LGSN: variants seen among roughly 807,000 people sequenced by gnomAD.
The protein encoded by LGSN is lengsin.
In LGSN, 21 loss-of-function variants were observed where a neutral mutation model predicts 19.5. The observed-to-expected ratio is 1.07, with a 90% CI of 0.76 to 1.55. The LOEUF is 1.55. Ranked by LOEUF, LGSN falls within the 40% of genes most tolerant of loss-of-function variation. LGSN has a pLI of 0.00. For synonymous variants in LGSN, 257 were observed against 215.6 expected (o/e 1.19, Z -1.68); for missense variants, 673 against 608.5 (o/e 1.11, Z -1.12).
the LGSN span, among the ~76,000 whole-genome samples, chr6:63,382,834 C>T: frequency 6.6e-6 from 1 of 152,126 alleles, no homozygotes; most frequent in African/African-American, 2.4e-5. Context: ...AACTGTACAA[C>T]ATATACATAT....
the LGSN span, among the ~76,000 whole-genome samples, chr6:63,454,980 A>G: frequency 4.0e-5 from 6 of 151,094 alleles, no homozygotes; most frequent in African/African-American, 1.5e-4. Flanking sequence ...TTTGGTAGAG[A>G]CAGGGTTTCA....
chr6:63,420,200 C>T, the LGSN span, among the ~76,000 whole-genome samples: 1 of 147,478 alleles, frequency 6.8e-6, no homozygotes, highest in Non-Finnish European at 1.5e-5. Context: ...GAGACTGCGT[C>T]TCAAAAAAAA....
At chr6:63,375,294 T>C in the LGSN span, among the ~76,000 whole-genome samples, 1 of 152,048 alleles carries the variant, frequency 6.6e-6, no homozygotes, top group African/African-American at 2.4e-5. Flanking sequence ...TCATAATCAA[T>C]TTGACTTTCT....
At chr6:63,549,844 T>A in the LGSN span, among the ~76,000 whole-genome samples, 1 of 152,160 alleles carries the variant, frequency 6.6e-6, no homozygotes, top group Non-Finnish European at 1.5e-5. Context: ...GAGAGATTTG[T>A]TAAAGAATAC....
At chr6:63,309,380 C>T (rs748720331) in intron 1 of LGSN, among the ~76,000 whole-genome samples, 1 of 151,966 alleles carries the variant, frequency 6.6e-6, no homozygotes, top group Admixed American at 6.6e-5. Context: ...TGCAGTGAGC[C>T]GAGATCTCGT....
At chr6:63,342,508 TTAAA>T in the LGSN span, among the ~76,000 whole-genome samples, 12 of 152,338 alleles carry the variant, frequency 7.9e-5, no homozygotes, top group South Asian at 1.2e-3. Context: ...GTAGTACACA[TTAAA>T]TAGTTATACT....
At chr6:63,336,266 A>ATAAATACTTGGATAATTGATACCT in the LGSN span, among the ~76,000 whole-genome samples, 2 of 152,220 alleles carry the variant, frequency 1.3e-5, no homozygotes, top group Non-Finnish European at 2.9e-5. Flanking sequence ...CACAGAAATT[A>ATAAATACTTGGATAATTGATACCT]TAAATACTTG....
chr6:63,370,083 A>G, the LGSN span, among the ~76,000 whole-genome samples: 2 of 152,320 alleles, frequency 1.3e-5, no homozygotes, highest in African/African-American at 4.8e-5. Context: ...TATTTGCAAC[A>G]TGGAGATTTA....
chr6:63,324,328 T>G (rs918126064), upstream of LGSN, among the ~76,000 whole-genome samples: 2 of 152,206 alleles, frequency 1.3e-5, no homozygotes, highest in Admixed American at 1.3e-4. Context: ...TAAAGACATA[T>G]CACATAGTTT....
chr6:63,282,255 G>A (rs753809281), intron 3 of LGSN, among the ~76,000 whole-genome samples: 4 of 152,220 alleles, frequency 2.6e-5, no homozygotes, highest in African/African-American at 9.6e-5. Flanking sequence ...AAATCACTGA[G>A]TATAAAAGGT....
At chr6:63,545,600 G>A in the LGSN span, among the ~76,000 whole-genome samples, 1 of 151,550 alleles carries the variant, frequency 6.6e-6, no homozygotes, top group East Asian at 1.9e-4. Flanking sequence ...AACAGAGCAA[G>A]ACTCTGTCTC....
At chr6:63,470,296 C>T in the LGSN span, among the ~76,000 whole-genome samples, 4 of 151,388 alleles carry the variant, frequency 2.6e-5, no homozygotes, top group Non-Finnish European at 5.9e-5. Flanking sequence ...GGCAAAACCC[C>T]GTCTCTACTA....
the LGSN span, among the ~76,000 whole-genome samples, chr6:63,484,913 C>T: frequency 2.6e-5 from 4 of 152,056 alleles, no homozygotes; most frequent in African/African-American, 9.7e-5. Context: ...ATGTGGACAC[C>T]CTGTATCTCC....
the LGSN span, among the ~76,000 whole-genome samples, chr6:63,325,159 C>A: frequency 2.0e-5 from 3 of 147,462 alleles, no homozygotes; most frequent in African/African-American, 7.5e-5. Flanking sequence ...TAATGATGCA[C>A]CTTAAGGAAC....
chr6:63,491,864 C>T, the LGSN span, among the ~76,000 whole-genome samples: 1 of 152,082 alleles, frequency 6.6e-6, no homozygotes, highest in African/African-American at 2.4e-5. Flanking sequence ...CCCGTCTCTA[C>T]TAAAAATACA....
At chr6:63,379,657 C>T in the LGSN span, among the ~76,000 whole-genome samples, 1 of 152,156 alleles carries the variant, frequency 6.6e-6, no homozygotes, top group African/African-American at 2.4e-5. Context: ...CAGTGATTAG[C>T]AGAAGCACCT....
chr6:63,309,501 A>ATCT (rs1187586935), intron 1 of LGSN, among the ~76,000 whole-genome samples: 1 of 152,190 alleles, frequency 6.6e-6, no homozygotes, highest in Non-Finnish European at 1.5e-5. Context: ...TTTTTTCAAT[A>ATCT]TCTTCTTTTT....
At chr6:63,555,767 C>G in the LGSN span, among the ~76,000 whole-genome samples, 2 of 150,734 alleles carry the variant, frequency 1.3e-5, no homozygotes, top group African/African-American at 4.9e-5. Flanking sequence ...GATCCCGGCT[C>G]ACTGCAACTT....
chr6:63,408,104 A>C, the LGSN span, among the ~76,000 whole-genome samples: 38 of 152,290 alleles, frequency 2.5e-4, no homozygotes, highest in East Asian at 6.0e-3. Flanking sequence ...GCCATACTGC[A>C]CAAGGTAATT....
Sources: allele counts gnomAD v4.1 joint callset (sites outside exome capture counted in the v4.1 genomes callset), GRCh38; gene constraint gnomAD v4.1.1; transcripts MANE v1.5; gene names NCBI Gene and HGNC (gene_info 2026-07-23, HGNC 2026-07-21).